The following HSD17B12 variants were observed in gnomAD, a reference collection of about 807,000 sequenced individuals.
HSD17B12 encodes the protein very-long-chain 3-oxoacyl-CoA reductase.
Under a neutral mutation model 39.3 loss-of-function variants are expected in HSD17B12, and 32 were observed. That is an observed-to-expected ratio of 0.81 (90% CI 0.61 to 1.09). The LOEUF (loss-of-function observed/expected upper bound fraction) is 1.09, where lower values mean the gene tolerates loss of function less well. Ranked by LOEUF, HSD17B12 falls within the 50% of genes least tolerant of loss-of-function variation. The probability of loss-of-function intolerance (pLI) is 0.00; values close to 1 mark genes in which losing one functional copy is unlikely to be tolerated. For synonymous variants in HSD17B12, 150 were observed against 146.7 expected (o/e 1.02, Z -0.16); for missense variants, 342 against 382.9 (o/e 0.89, Z 0.89).
chr11:43,793,520 T>C (rs954784167), intron 3 of HSD17B12, among the ~76,000 whole-genome samples: 2 of 152,190 alleles, frequency 1.3e-5, no homozygotes, highest in Non-Finnish European at 2.9e-5. Context: ...ATTATTTTTA[T>C]AGAAAGAGAA....
At chr11:43,707,121 T>C (rs1950023933) in intron 1 of HSD17B12, among the ~76,000 whole-genome samples, 1 of 152,222 alleles carries the variant, frequency 6.6e-6, no homozygotes, top group African/African-American at 2.4e-5. Context: ...TTTATTTAAC[T>C]GATTCAATAA....
chr11:43,848,570 G>C (rs569033804), intron 9 of HSD17B12: 1 of 152,154 alleles, frequency 6.6e-6, no homozygotes, highest in African/African-American at 2.4e-5. Flanking sequence ...ACATACTAAA[G>C]TTTCAAATCC....
chr11:43,613,096 G>C, the HSD17B12 span, among the ~76,000 whole-genome samples: 1 of 152,114 alleles, frequency 6.6e-6, no homozygotes, highest in African/African-American at 2.4e-5. Context: ...CCATTGGAGG[G>C]TTTCAAGTAA....
the HSD17B12 span, among the ~76,000 whole-genome samples, chr11:43,671,560 G>A: frequency 0.32 from 48,729 of 152,126 alleles, 7,978 homozygotes; most frequent in African/African-American, 0.36. Flanking sequence ...GAGTAAGATT[G>A]ATGGAACAAT....
chr11:43,651,636 G>A, the HSD17B12 span, among the ~76,000 whole-genome samples: 4 of 152,154 alleles, frequency 2.6e-5, no homozygotes, highest in East Asian at 1.9e-4. Context: ...GCTGCAGTGC[G>A]GTGGTGCAAT....
chr11:43,591,031 T>C, the HSD17B12 span, among the ~76,000 whole-genome samples: 1 of 152,042 alleles, frequency 6.6e-6, no homozygotes, highest in Non-Finnish European at 1.5e-5. Context: ...ATCTTTCAGA[T>C]TTCTACCAGC....
intron 1 of HSD17B12, among the ~76,000 whole-genome samples, chr11:43,695,075 A>T (rs530692950): frequency 2.4e-4 from 36 of 152,102 alleles, no homozygotes; most frequent in Non-Finnish European, 4.7e-4. Context: ...AATCCCAGCC[A>T]TTTGGGAGGC....
the HSD17B12 span, among the ~76,000 whole-genome samples, chr11:43,629,597 A>C: frequency 1.3e-5 from 2 of 152,216 alleles, no homozygotes; most frequent in Non-Finnish European, 2.9e-5. Flanking sequence ...TGTCTGGTGA[A>C]GTTCTCCTCA....
In HSD17B12 at chr11:43,680,841, T is replaced by C. The variant is rs767706734; in HGVS notation, c.14T>C (p.Leu5Pro). The C allele has an allele frequency of 1.2e-6, 2 of 1,613,990 alleles. No homozygotes were observed. The highest frequency in any genetic ancestry group is 3.3e-5 in the Admixed American group (2 of 60,004). Residue 5 changes from leucine to proline, a missense_variant, in exon 1 of 11, where the codon CTC becomes CCC. By Grantham distance (98) the Leu-to-Pro change is moderately conservative. Transcript: ENST00000278353. The part of the protein sequence containing the change: MESA[L>P]PAAGFLYWVG... ...TAGTGGAAAGCCATGGAGAGCGCTC[T>C]CCCCGCCGCCGGCTTCCTGTACTGG...
At chr11:43,571,086 T>C in the HSD17B12 span, among the ~76,000 whole-genome samples, 1 of 152,142 alleles carries the variant, frequency 6.6e-6, no homozygotes, top group Non-Finnish European at 1.5e-5. Context: ...GATCCAAGCT[T>C]AGTAGATCAG....
chr11:43,682,953 G>A (rs982386977), intron 1 of HSD17B12, among the ~76,000 whole-genome samples: 2 of 151,788 alleles, frequency 1.3e-5, no homozygotes, highest in African/African-American at 4.8e-5. Context: ...CACCACACCA[G>A]CTCATTTTTT....
intron 3 of HSD17B12, among the ~76,000 whole-genome samples, chr11:43,777,190 C>T (rs1040930202): frequency 9.9e-5 from 15 of 152,144 alleles, no homozygotes; most frequent in African/African-American, 3.1e-4. Context: ...TGTAAATTGC[C>T]TTGGGCAGTA....
rs553754739 is a variant in HSD17B12 at position 43,715,898 on chromosome 11, G to A, written c.160+34911G>A. On this transcript the variant is annotated intron_variant, in intron 1 of 10. Coordinates refer to ENST00000278353, the MANE Select transcript of HSD17B12 (RefSeq NM_016142.3). ...GACTGCACTGATTTTAAGTCCTCCT[G>A]CTAGGTGATAGGTGTATCTGGGATT... Among the ~76,000 whole-genome samples the A allele has an allele frequency of 2.8e-3, 422 of 152,218 alleles. 1 individual carries two copies. Among genetic ancestry groups the A allele is most frequent in the African/African-American group, 9.7e-3 (404 of 41,520 alleles).
intron 1 of HSD17B12, among the ~76,000 whole-genome samples, chr11:43,725,366 T>C (rs1950211801): frequency 1.3e-5 from 2 of 152,222 alleles, no homozygotes; most frequent in African/African-American, 4.8e-5. Context: ...TAGCACATAG[T>C]AAGCACATAA....
chr11:43,632,921 A>G, the HSD17B12 span, among the ~76,000 whole-genome samples: 13 of 152,146 alleles, frequency 8.5e-5, no homozygotes, highest in Non-Finnish European at 1.8e-4. Flanking sequence ...ATACTTTTTT[A>G]TTATAGTTCC....
rs569629427 is a variant in HSD17B12, at chr11:43,853,321, C to T, written c.685-1394C>T. On this transcript the variant is annotated intron_variant, in intron 9 of 10. Transcript: ENST00000278353. ...CACTGCACTCCAGCTTGGGGACTCT[C>T]GCTGAGACTCTGTCTCAAAAAAAAA... 1.6e-3 allele frequency: 185 copies of T among 115,208 alleles called. 1 individual carries two copies. The highest frequency in any genetic ancestry group is 2.4e-3 in the Non-Finnish European group (146 of 60,134). 7.1% of individuals were successfully genotyped at this position (115,208 alleles called of 1,614,324 possible).
intron 1 of HSD17B12, among the ~76,000 whole-genome samples, chr11:43,690,398 A>ATTTTTTTTT (rs1303064530): frequency 6.2e-4 from 17 of 27,468 alleles, no homozygotes; most frequent in South Asian, 1.4e-3. Context: ...ATATATATAT[A>ATTTTTTTTT]TATATATTTT....
chr11:43,836,482 T>C (rs1247567033), intron 7 of HSD17B12, among the ~76,000 whole-genome samples: 2 of 152,156 alleles, frequency 1.3e-5, no homozygotes, highest in Admixed American at 1.3e-4. Flanking sequence ...CATTCCAATA[T>C]GTCATAAATA....
chr11:43,569,945 C>T, the HSD17B12 span: 2 of 152,708 alleles, frequency 1.3e-5, no homozygotes, highest in Admixed American at 6.5e-5. Context: ...CCACCACCAA[C>T]TCAGCTCCTT....
Sources: allele counts gnomAD v4.1 joint callset (sites outside exome capture counted in the v4.1 genomes callset), GRCh38; gene constraint gnomAD v4.1.1; transcripts MANE v1.5; gene names NCBI Gene and HGNC (gene_info 2026-07-23, HGNC 2026-07-21).